RANBP2: variants seen among roughly 807,000 people sequenced by gnomAD.
RANBP2 encodes RAN binding protein 2.
In RANBP2, 57 loss-of-function variants were observed where a neutral mutation model predicts 303.6. The ratio of observed to expected loss-of-function variants is 0.19; its 90% CI spans 0.15 to 0.23. RANBP2 has a LOEUF of 0.23. Ranked by LOEUF, RANBP2 falls within the 10% of genes least tolerant of loss-of-function variation. RANBP2 has a pLI of 1.00. For missense variants in RANBP2, 3,138 were observed against 3,780.8 expected, an observed-to-expected ratio of 0.83 and a Z score of 4.46; for synonymous variants, 1,167 against 1,301.5, an observed-to-expected ratio of 0.90 and a Z score of 2.23.
chr2:109,568,950 G>C, the RANBP2 span, among the ~76,000 whole-genome samples: 1 of 152,164 alleles, frequency 6.6e-6, no homozygotes, highest in African/African-American at 2.4e-5. Context: ...GAGATTTGGG[G>C]TTGTGAAGAC....
the RANBP2 span, among the ~76,000 whole-genome samples, chr2:109,430,763 C>T: frequency 6.6e-6 from 1 of 152,248 alleles, no homozygotes; most frequent in South Asian, 2.1e-4. Context: ...GGTGGGGTGG[C>T]GGGGTCCTCT....
chr2:108,844,975 T>C, the RANBP2 span, among the ~76,000 whole-genome samples: 1 of 152,266 alleles, frequency 6.6e-6, no homozygotes, highest in East Asian at 1.9e-4. Context: ...CTTGATATCC[T>C]GACCTTGTGA....
At chr2:109,187,213 A>G in the RANBP2 span, among the ~76,000 whole-genome samples, 1 of 152,236 alleles carries the variant, frequency 6.6e-6, no homozygotes, top group Admixed American at 6.5e-5. Context: ...TTTACTTGTT[A>G]TCTTAGGTTG....
intron 17 of RANBP2, among the ~76,000 whole-genome samples, chr2:108,756,008 AC>A (rs1291599838): frequency 1.3e-5 from 2 of 151,618 alleles, no homozygotes; most frequent in Non-Finnish European, 2.9e-5. Context: ...ACAGGTGTAA[AC>A]CCCCGAGCCC....
the RANBP2 span, among the ~76,000 whole-genome samples, chr2:109,051,989 C>T: frequency 6.6e-6 from 1 of 152,162 alleles, no homozygotes; most frequent in Non-Finnish European, 1.5e-5. Flanking sequence ...ACCTGGTGAT[C>T]CGCCCGCCTC....
the RANBP2 span, among the ~76,000 whole-genome samples, chr2:109,163,390 C>CTTTTTT: frequency 2.8e-4 from 20 of 70,266 alleles, no homozygotes; most frequent in African/African-American, 7.1e-4. Context: ...AGCAAATATT[C>CTTTTTT]TTTTTTTTTT....
chr2:109,732,907 A>T, the RANBP2 span: 1 of 824,890 alleles, frequency 1.2e-6, no homozygotes, highest in South Asian at 1.3e-5. Flanking sequence ...ATGGAAGAAC[A>T]CTATGTGGCC....
the RANBP2 span, among the ~76,000 whole-genome samples, chr2:109,286,859 C>G: frequency 6.6e-6 from 1 of 152,188 alleles, no homozygotes; most frequent in Non-Finnish European, 1.5e-5. Flanking sequence ...TTCTCCAACT[C>G]TAAATTCGTT....
chr2:109,414,986 G>A, the RANBP2 span, among the ~76,000 whole-genome samples: 3 of 152,312 alleles, frequency 2.0e-5, no homozygotes, highest in East Asian at 1.9e-4. Flanking sequence ...CTGGGCCACC[G>A]CAGCCACAAA....
chr2:109,728,297 C>T, the RANBP2 span, among the ~76,000 whole-genome samples: 1 of 152,124 alleles, frequency 6.6e-6, no homozygotes, highest in Non-Finnish European at 1.5e-5. Flanking sequence ...GAGCTGTCCT[C>T]ACTAAGCCTT....
chr2:109,585,664 G>A, the RANBP2 span: 8 of 1,143,334 alleles, frequency 7.0e-6, no homozygotes, highest in East Asian at 1.9e-4. Flanking sequence ...TGACAAGAAT[G>A]AAGTGAGCAC....
chr2:109,004,707 G>T, the RANBP2 span, among the ~76,000 whole-genome samples: 1 of 152,188 alleles, frequency 6.6e-6, no homozygotes, highest in East Asian at 1.9e-4. Flanking sequence ...CTCCTGGAAA[G>T]AATCTCTCAT....
the RANBP2 span, among the ~76,000 whole-genome samples, chr2:109,330,038 C>T: frequency 2.0e-5 from 3 of 152,186 alleles, no homozygotes; most frequent in Admixed American, 2.0e-4. Flanking sequence ...CCTTACAAAA[C>T]ATTGAATTTC....
At chr2:109,725,580 A>G in the RANBP2 span, among the ~76,000 whole-genome samples, 3 of 152,164 alleles carry the variant, frequency 2.0e-5, no homozygotes, top group Non-Finnish European at 2.9e-5. Flanking sequence ...GACCATGTTC[A>G]GGACCTCTAT....
At chr2:109,489,130 G>A in the RANBP2 span, among the ~76,000 whole-genome samples, 3 of 152,238 alleles carry the variant, frequency 2.0e-5, no homozygotes, top group South Asian at 4.1e-4. Context: ...CTTGCCCAGG[G>A]CACACCTTCA....
At chr2:109,661,049 G>A in the RANBP2 span, among the ~76,000 whole-genome samples, 8 of 152,112 alleles carry the variant, frequency 5.3e-5, no homozygotes, top group African/African-American at 1.4e-4. Context: ...ATAGATAATG[G>A]CCTGAACACA....
At chr2:108,752,931 G>A (rs895118877) in intron 12 of RANBP2, 67 bp from the exon 13 acceptor site, 3 of 1,607,308 alleles carry the variant, frequency 1.9e-6, no homozygotes, top group South Asian at 1.1e-5. Context: ...CTTTCAACTT[G>A]TAAATGAACT....
chr2:109,204,924 C>T, the RANBP2 span, among the ~76,000 whole-genome samples: 1 of 152,150 alleles, frequency 6.6e-6, no homozygotes, highest in African/African-American at 2.4e-5. Flanking sequence ...AGTAGAGCAA[C>T]TGGGTGGGCA....
At chr2:109,614,425 C>G in the RANBP2 span, 1 of 1,137,626 alleles carries the variant, frequency 8.8e-7, no homozygotes, top group Non-Finnish European at 1.1e-6. Context: ...GAGCCGGCCG[C>G]TGGGAGCCCG....
Sources: allele counts gnomAD v4.1 joint callset (sites outside exome capture counted in the v4.1 genomes callset), GRCh38; gene constraint gnomAD v4.1.1; transcripts MANE v1.5; gene names NCBI Gene and HGNC (gene_info 2026-07-23, HGNC 2026-07-21).